The following ANK2 variants were observed in gnomAD, a reference collection of about 807,000 sequenced individuals.
ANK2 encodes ankyrin 2.
A neutral mutation model predicts 360.5 loss-of-function variants in ANK2; 83 were observed. The observed-to-expected ratio is 0.23, with a 90% CI of 0.19 to 0.28. ANK2 has a LOEUF of 0.28. Ranked by LOEUF, ANK2 falls within the 10% of genes least tolerant of loss-of-function variation. The pLI is 1.00. For synonymous variants in ANK2, 1,740 were observed against 1,759.5 expected, an observed-to-expected ratio of 0.99 and a Z score of 0.28; for missense variants, 4,201 against 4,795.7, an observed-to-expected ratio of 0.88 and a Z score of 3.66.
intron 2 of ANK2, among the ~76,000 whole-genome samples, chr4:112,921,277 G>A (rs1002243474): frequency 1.3e-5 from 2 of 151,198 alleles, no homozygotes; most frequent in Non-Finnish European, 2.9e-5. Flanking sequence ...CTCCTGCCTC[G>A]GCCTCCCAAA....
chr4:113,183,384 GTTC>G (rs142720761), intron 2 of ANK2, among the ~76,000 whole-genome samples: 195 of 152,236 alleles, frequency 1.3e-3, no homozygotes, highest in African/African-American at 4.5e-3. Flanking sequence ...ATGTGTGTGT[GTTC>G]TTCTGCAGCT....
At chr4:112,842,621 G>T (rs183705254) in intron 1 of ANK2, among the ~76,000 whole-genome samples, 40 of 152,280 alleles carry the variant, frequency 2.6e-4, no homozygotes, top group South Asian at 6.2e-4. Flanking sequence ...TCACAATAGG[G>T]TTCGTGCTCC....
the ANK2 span, among the ~76,000 whole-genome samples, chr4:112,805,778 C>G: frequency 6.6e-6 from 1 of 152,164 alleles, no homozygotes; most frequent in African/African-American, 2.4e-5. Flanking sequence ...GACAGTGTTT[C>G]ACTATGTTGG....
chr4:113,012,646 A>T (rs1417999768), intron 2 of ANK2, among the ~76,000 whole-genome samples: 1 of 152,038 alleles, frequency 6.6e-6, no homozygotes, highest in Non-Finnish European at 1.5e-5. Context: ...ATATCTGTTA[A>T]TTTAGCAGAA....
chr4:113,247,287 A>AT (rs1563150257), intron 9 of ANK2, among the ~76,000 whole-genome samples: 9 of 152,256 alleles, frequency 5.9e-5, no homozygotes, highest in African/African-American at 2.2e-4. Flanking sequence ...CTTGAAAAGA[A>AT]TTTTTTTGGG....
intron 8 of ANK2, among the ~76,000 whole-genome samples, chr4:113,240,958 G>A (rs1208500852): frequency 1.3e-5 from 2 of 152,096 alleles, no homozygotes; most frequent in Non-Finnish European, 2.9e-5. Flanking sequence ...TGACTGTAGG[G>A]CACACAATTT....
chr4:113,030,363 G>A (rs902589940), intron 2 of ANK2, among the ~76,000 whole-genome samples: 3 of 152,082 alleles, frequency 2.0e-5, no homozygotes, highest in East Asian at 1.9e-4. Flanking sequence ...GTAATTTTCC[G>A]TAGCTCAATT....
chr4:113,105,878 C>T (rs553342007), intron 1 of ANK2, among the ~76,000 whole-genome samples: 43 of 152,186 alleles, frequency 2.8e-4, no homozygotes, highest in East Asian at 1.2e-3. Context: ...TAAAGAAATT[C>T]GTTATACATA....
chr4:112,898,877 G>T (rs1051064844), intron 1 of ANK2, among the ~76,000 whole-genome samples: 2 of 152,148 alleles, frequency 1.3e-5, no homozygotes, highest in Non-Finnish European at 2.9e-5. Context: ...TTTTCTCTGG[G>T]ATGTGTCAGC....
At chr4:113,189,394 C>A (rs187770736) in intron 2 of ANK2, among the ~76,000 whole-genome samples, 1 of 152,208 alleles carries the variant, frequency 6.6e-6, no homozygotes, top group Admixed American at 6.5e-5. Flanking sequence ...TTGTAATGCT[C>A]TAATAATATT....
intron 1 of ANK2, among the ~76,000 whole-genome samples, chr4:112,842,699 C>G (rs949263826): frequency 3.9e-5 from 6 of 152,232 alleles, no homozygotes; most frequent in Non-Finnish European, 2.9e-5. Context: ...CGCTGGCCCA[C>G]TGGCCGCTCA....
chr4:112,755,620 G>A, the ANK2 span, among the ~76,000 whole-genome samples: 1 of 151,992 alleles, frequency 6.6e-6, no homozygotes, highest in Non-Finnish European at 1.5e-5. Context: ...CATTTATCAG[G>A]GTGGGGCAGA....
chr4:113,039,103 G>T (rs1043977859), intron 2 of ANK2, among the ~76,000 whole-genome samples: 1 of 152,016 alleles, frequency 6.6e-6, no homozygotes, highest in African/African-American at 2.4e-5. Flanking sequence ...AACACTAAAA[G>T]GTAATAAACA....
At chr4:112,802,449 C>A in the ANK2 span, among the ~76,000 whole-genome samples, 1 of 152,110 alleles carries the variant, frequency 6.6e-6, no homozygotes, top group Non-Finnish European at 1.5e-5. Context: ...ATGCTTGCTC[C>A]TTCCCATTCA....
chr4:113,010,690 G>A (rs2054429535), intron 2 of ANK2, among the ~76,000 whole-genome samples: 1 of 152,012 alleles, frequency 6.6e-6, no homozygotes, highest in Non-Finnish European at 1.5e-5. Context: ...ATGGTAGATG[G>A]GAACCAATTC....
At chr4:113,271,623 C>T (rs141132337) in intron 14 of ANK2, among the ~76,000 whole-genome samples, 455 of 152,262 alleles carry the variant, frequency 3.0e-3, no homozygotes, top group African/African-American at 0.011. Flanking sequence ...GAGATTGCTG[C>T]GTAGTTCACA....
chr4:112,752,097 T>C, the ANK2 span, among the ~76,000 whole-genome samples: 1 of 152,162 alleles, frequency 6.6e-6, no homozygotes, highest in African/African-American at 2.4e-5. Context: ...TCCTAGAAAT[T>C]AGAGGTTTTT....
chr4:112,802,711 A>G, the ANK2 span, among the ~76,000 whole-genome samples: 1 of 152,338 alleles, frequency 6.6e-6, no homozygotes, highest in African/African-American at 2.4e-5. Context: ...AAATACTTGA[A>G]GTGACAGGCA....
At chr4:113,145,704 C>G (rs776579323) in intron 1 of ANK2, 5 of 1,139,826 alleles carry the variant, frequency 4.4e-6, no homozygotes, top group Non-Finnish European at 5.5e-6. Context: ...CACCAGCAAG[C>G]CAGCTAGCAG....
Sources: gnomAD v4.1 joint callset for allele counts (sites outside exome capture counted in the v4.1 genomes callset) on GRCh38, gnomAD v4.1.1 for gene constraint, MANE v1.5 for transcripts, NCBI Gene and HGNC (gene_info 2026-07-23, HGNC 2026-07-21) for gene names.